Variants in CSMD1 observed in about 807,000 individuals in gnomAD.
CSMD1 encodes CUB and sushi domain-containing protein 1.
A neutral mutation model predicts 417.5 loss-of-function variants in CSMD1; 213 were observed. The observed-to-expected ratio is 0.51, with a 90% CI of 0.46 to 0.57. CSMD1 has a LOEUF of 0.57. Ranked by LOEUF, CSMD1 falls within the 20% of genes least tolerant of loss-of-function variation. The pLI is 0.00. For synonymous variants in CSMD1, 2,862 were observed against 1,736.8 expected, an observed-to-expected ratio of 1.65 and a Z score of -16.11; for missense variants, 6,923 against 4,529.7, an observed-to-expected ratio of 1.53 and a Z score of -15.17.
chr8:4,908,799 T>A (rs971862972), intron 1 of CSMD1, among the ~76,000 whole-genome samples: 6 of 152,164 alleles, frequency 3.9e-5, no homozygotes, highest in Admixed American at 2.6e-4. Context: ...TGCTCTTACA[T>A]GTTGTCTACT....
At chr8:3,498,508 A>T (rs1474921099) in intron 10 of CSMD1, among the ~76,000 whole-genome samples, 1 of 152,110 alleles carries the variant, frequency 6.6e-6, no homozygotes, top group Non-Finnish European at 1.5e-5. Context: ...CTGTTTGGTG[A>T]TCTTTGAGCT....
intron 23 of CSMD1, among the ~76,000 whole-genome samples, chr8:3,340,230 A>C (rs1260673576): frequency 2.0e-5 from 3 of 152,334 alleles, no homozygotes; most frequent in African/African-American, 7.2e-5. Flanking sequence ...AAATATCTGA[A>C]GACTCGGTTT....
chr8:3,002,808 T>C (rs1039912381), intron 52 of CSMD1, among the ~76,000 whole-genome samples: 4 of 152,188 alleles, frequency 2.6e-5, no homozygotes, highest in African/African-American at 4.8e-5. Flanking sequence ...GCCATGACTG[T>C]AAATAAAGAT....
chr8:4,949,557 C>T (rs1248094871), intron 1 of CSMD1, among the ~76,000 whole-genome samples: 1 of 152,152 alleles, frequency 6.6e-6, no homozygotes, highest in African/African-American at 2.4e-5. Context: ...TGTTGCATGT[C>T]ACATCTGGTA....
At chr8:4,167,830 G>T (rs937534955) in intron 3 of CSMD1, among the ~76,000 whole-genome samples, 1 of 151,984 alleles carries the variant, frequency 6.6e-6, no homozygotes, top group African/African-American at 2.4e-5. Context: ...TCTCTACCAA[G>T]AATTATATAT....
chr8:4,295,722 ATATCTG>A (rs1221816352), intron 3 of CSMD1, among the ~76,000 whole-genome samples: 2 of 139,564 alleles, frequency 1.4e-5, no homozygotes, highest in Non-Finnish European at 3.1e-5. Context: ...AAAATTATAT[ATATCTG>A]TGTGTGTGTA....
chr8:4,113,103 G>C (rs1018707793), intron 3 of CSMD1, among the ~76,000 whole-genome samples: 3 of 152,078 alleles, frequency 2.0e-5, no homozygotes, highest in East Asian at 3.9e-4. Flanking sequence ...TGATTAATGT[G>C]GTGTGTGTTC....
intron 49 of CSMD1, among the ~76,000 whole-genome samples, chr8:3,065,263 G>A (rs1479936580): frequency 6.6e-6 from 1 of 151,972 alleles, no homozygotes; most frequent in Non-Finnish European, 1.5e-5. Context: ...TACACAGAGA[G>A]GAAGACTGGA....
At chr8:4,078,675 C>T (rs982525339) in intron 3 of CSMD1, among the ~76,000 whole-genome samples, 2 of 150,174 alleles carry the variant, frequency 1.3e-5, no homozygotes, top group Non-Finnish European at 3.0e-5. Flanking sequence ...AAAAAACTTG[C>T]TGTATTCTTG....
chr8:4,835,587 CA>C (rs749968319), intron 1 of CSMD1, among the ~76,000 whole-genome samples: 7 of 152,162 alleles, frequency 4.6e-5, no homozygotes, highest in Non-Finnish European at 8.8e-5. Context: ...TATCCTAACA[CA>C]AATTTTATCT....
rs183832565 is a variant in CSMD1 at position 4,327,775 on chromosome 8, A to G, written c.415+92178T>C. 5.1e-3 allele frequency among the ~76,000 whole-genome samples: 775 copies of G among 152,358 alleles called. 2 individuals are homozygous for G. The highest frequency in any genetic ancestry group is 0.012 in the South Asian group (60 of 4,830). On this transcript the variant is annotated intron_variant, in intron 3 of 69. Transcript: ENST00000635120. ...TTACATACATTATTTTTATTTAATC[A>G]TAAAACCAAATGTAACTTTTCTTGC...
intron 2 of CSMD1, among the ~76,000 whole-genome samples, chr8:4,620,824 C>T (rs1235829907): frequency 6.6e-6 from 1 of 151,358 alleles, no homozygotes; most frequent in Non-Finnish European, 1.5e-5. Context: ...CTTTATATTC[C>T]ACTTAACTTA....
Position 3,369,144 on chromosome 8 carries a change from G to A in CSMD1, c.2899+110C>T, listed in dbSNP as rs182366250. 375 of 586,422 alleles carry A rather than the reference G, an allele frequency of 6.4e-4. 3 individuals are homozygous for A. The highest frequency in any genetic ancestry group is 6.3e-3 in the African/African-American group (339 of 53,480). The allele number at this position is 586,422 out of a possible 1,614,324, so 36.3% of individuals were successfully genotyped here. The stretch of plus-strand genomic sequence containing the variant: ...TAAGTTAAAATCTTGAACTATACAT[G>A]AGAAAAGTAGTTATCTCACTTGTTT... On this transcript the variant is annotated intron_variant, in intron 19 of 69. Coordinates refer to ENST00000635120, the MANE Select transcript of CSMD1 (RefSeq NM_033225.6).
At chr8:2,988,601 C>T (rs895008600) in intron 54 of CSMD1, among the ~76,000 whole-genome samples, 9 of 152,136 alleles carry the variant, frequency 5.9e-5, no homozygotes, top group Admixed American at 2.0e-4. Context: ...TCAAAATAAA[C>T]CTGAAGATGC....
intron 11 of CSMD1, among the ~76,000 whole-genome samples, chr8:3,475,286 C>A (rs7004893): frequency 6.6e-6 from 1 of 151,952 alleles, no homozygotes; most frequent in Non-Finnish European, 1.5e-5. Context: ...TCTGAGCTCT[C>A]TGGGTGCAAT....
At chr8:3,570,666 G>C (rs1200199026) in intron 10 of CSMD1, among the ~76,000 whole-genome samples, 1 of 152,106 alleles carries the variant, frequency 6.6e-6, no homozygotes, top group East Asian at 1.9e-4. Flanking sequence ...TCTAAAATAA[G>C]GTATCCCCCA....
At chr8:3,568,551 C>A (rs1290803872) in intron 10 of CSMD1, among the ~76,000 whole-genome samples, 1 of 152,058 alleles carries the variant, frequency 6.6e-6, no homozygotes, top group African/African-American at 2.4e-5. Flanking sequence ...GAATCAGTAG[C>A]TGAAATTATG....
chr8:4,485,643 C>G (rs1242003466), intron 2 of CSMD1, among the ~76,000 whole-genome samples: 1 of 152,046 alleles, frequency 6.6e-6, no homozygotes, highest in Non-Finnish European at 1.5e-5. Context: ...ATCTTGTATG[C>G]TATCGCAGAG....
At chr8:3,568,578 T>G (rs1266510871) in intron 10 of CSMD1, among the ~76,000 whole-genome samples, 1 of 152,156 alleles carries the variant, frequency 6.6e-6, no homozygotes. Context: ...CAGAATGTAT[T>G]TAAAATGTGT....
Sources: allele counts gnomAD v4.1 joint callset (sites outside exome capture counted in the v4.1 genomes callset), GRCh38; gene constraint gnomAD v4.1.1; transcripts MANE v1.5; gene names NCBI Gene and HGNC (gene_info 2026-07-23, HGNC 2026-07-21).